The following CSNK1G1 variants were observed in gnomAD, a reference collection of about 807,000 sequenced individuals.
CSNK1G1 encodes casein kinase 1 gamma 1, also known as casein kinase I isoform gamma-1.
CSNK1G1 carries 22 observed loss-of-function variants against 59.6 expected under a neutral mutation model. That is an observed-to-expected ratio of 0.37 (90% confidence interval 0.26 to 0.53). The LOEUF (loss-of-function observed/expected upper bound fraction) is 0.53. CSNK1G1 is among the 20% of genes least tolerant of loss of function. The pLI is 0.89. For missense variants in CSNK1G1, 384 were observed against 519.5 expected (o/e 0.74, Z 2.54); for synonymous variants, 179 against 177.1 (o/e 1.01, Z -0.08).
At chr15:64,347,815 G>A (rs1222568566) in intron 1 of CSNK1G1, among the ~76,000 whole-genome samples, 1 of 151,952 alleles carries the variant, frequency 6.6e-6, no homozygotes, top group Admixed American at 6.6e-5. Context: ...AGACCATCTT[G>A]GCCAACATGG....
At chr15:64,204,617 C>A in intron 8 of CSNK1G1, 28 bp from the exon 9 acceptor site, 3 of 1,607,298 alleles carry the variant, frequency 1.9e-6, no homozygotes, top group Non-Finnish European at 2.5e-6. Flanking sequence ...AAAGGCCCTG[C>A]TCATTAGCTG....
At position 64,300,626 on chromosome 15, in the gene CSNK1G1, T is replaced by A; in HGVS notation, c.-127A>T. 9 of 1,386,854 alleles carry A rather than the reference T, an allele frequency of 6.5e-6. No individual in the cohort carries two copies. The highest frequency in any genetic ancestry group is 8.5e-6 in the Non-Finnish European group (9 of 1,064,892). 85.9% of individuals were successfully genotyped at this position (1,386,854 alleles called of 1,614,324 possible). A position where few individuals can be genotyped will look rare whatever the true frequency, so the allele number is the denominator to read the frequency against. ...GGTAAGGAGTTCTTTTAGCACCATA[T>A]TTGTTTGTAATGTATCTCCGGGAGA... On this transcript the variant is annotated 5_prime_UTR_variant, in exon 2 of 12. Transcript: ENST00000303052.
At chr15:64,207,259 T>C (rs1453390697) in intron 7 of CSNK1G1, among the ~76,000 whole-genome samples, 1 of 152,200 alleles carries the variant, frequency 6.6e-6, no homozygotes, top group Non-Finnish European at 1.5e-5. Flanking sequence ...ATCCTTTTTG[T>C]GTGTTGTTTT....
chr15:64,288,664 A>T (rs1372392903), intron 2 of CSNK1G1, among the ~76,000 whole-genome samples: 1 of 152,034 alleles, frequency 6.6e-6, no homozygotes, highest in Non-Finnish European at 1.5e-5. Context: ...TCAATCCAGC[A>T]TCACCTGCTC....
chr15:64,185,314 A>G (rs1437975963), intron 10 of CSNK1G1, among the ~76,000 whole-genome samples: 1 of 152,232 alleles, frequency 6.6e-6, no homozygotes, highest in Non-Finnish European at 1.5e-5. Flanking sequence ...CAACTCAGAA[A>G]TATGTGGACA....
chr15:64,239,363 TG>T (rs1439320338), intron 4 of CSNK1G1, among the ~76,000 whole-genome samples: 5 of 152,084 alleles, frequency 3.3e-5, no homozygotes, highest in East Asian at 1.9e-4. Flanking sequence ...TGTTGTTGTA[TG>T]TTTTTTTTCT....
intron 4 of CSNK1G1, among the ~76,000 whole-genome samples, chr15:64,241,923 TA>T (rs893319941): frequency 2.7e-5 from 4 of 149,144 alleles, no homozygotes; most frequent in African/African-American, 7.4e-5. Flanking sequence ...GTTGTTTTTT[TA>T]AAAAAAAAGA....
chr15:64,281,734 G>T (rs757123486), intron 2 of CSNK1G1, among the ~76,000 whole-genome samples: 1 of 151,808 alleles, frequency 6.6e-6, no homozygotes. Flanking sequence ...CTGCTACTCA[G>T]GAGGCTGAGG....
chr15:64,335,780 C>T (rs1460294247), intron 1 of CSNK1G1: 1 of 152,192 alleles, frequency 6.6e-6, no homozygotes, highest in African/African-American at 2.4e-5. Context: ...AAGCTACATC[C>T]TCACTTGAGT....
rs940971156 is a variant in CSNK1G1 at position 64,229,506 on chromosome 15, TTCTCTCTCTTTC to T, written c.293-12805_293-12794del. Among the ~76,000 whole-genome samples, 130 of 149,406 alleles carry T rather than the reference TTCTCTCTCTTTC, an allele frequency of 8.7e-4. 1 individual carries two copies. In the East Asian group the frequency reaches 0.015, roughly 18 times the overall value. ...GTGGAACTATAGAGAAGGAGGAGTA[TTCTCTCTCTTTC>T]TCTCTCTCTTTCTCTCTCTCTCTCT... On this transcript the variant is annotated intron_variant, in intron 4 of 11. Coordinates refer to ENST00000303052, the MANE Select transcript of CSNK1G1 (RefSeq NM_022048.5).
At chr15:64,305,290 A>G (rs2140411823) in intron 1 of CSNK1G1, among the ~76,000 whole-genome samples, 1 of 152,320 alleles carries the variant, frequency 6.6e-6, no homozygotes, top group African/African-American at 2.4e-5. Context: ...AGCAAAAATG[A>G]TATCTGTGTG....
intron 10 of CSNK1G1, chr15:64,181,082 G>C (rs890212627): frequency 2.3e-6 from 3 of 1,299,988 alleles, no homozygotes; most frequent in Non-Finnish European, 3.0e-6. Flanking sequence ...TTTCCTCATG[G>C]CTTTGAGCAC....
chr15:64,238,207 G>T (rs1326415586), intron 4 of CSNK1G1, among the ~76,000 whole-genome samples: 1 of 151,842 alleles, frequency 6.6e-6, no homozygotes, highest in Admixed American at 6.6e-5. Context: ...TTAAAATTAG[G>T]TAAGGGATAA....
At chr15:64,236,041 G>T (rs1252577650) in intron 4 of CSNK1G1, among the ~76,000 whole-genome samples, 1 of 151,404 alleles carries the variant, frequency 6.6e-6, no homozygotes, top group African/African-American at 2.4e-5. Flanking sequence ...TACTCGGGAG[G>T]CTGAGGCAGG....
chr15:64,304,447 T>G (rs1184399839), intron 1 of CSNK1G1, among the ~76,000 whole-genome samples: 1 of 151,292 alleles, frequency 6.6e-6, no homozygotes, highest in South Asian at 2.1e-4. Flanking sequence ...TGCTACTTTA[T>G]GTGGCATCTC....
At chr15:64,285,116 G>A (rs962754103) in intron 2 of CSNK1G1, among the ~76,000 whole-genome samples, 1 of 151,978 alleles carries the variant, frequency 6.6e-6, no homozygotes, top group Non-Finnish European at 1.5e-5. Flanking sequence ...TCATGAAAAT[G>A]TTTATTGTTA....
At chr15:64,349,036 C>G (rs1436570472) in intron 1 of CSNK1G1, among the ~76,000 whole-genome samples, 5 of 150,700 alleles carry the variant, frequency 3.3e-5, no homozygotes, top group African/African-American at 9.8e-5. Flanking sequence ...ACTCAGGAGT[C>G]TGAGGCAAGA....
At chr15:64,354,241 G>A (rs1898504980) in intron 1 of CSNK1G1, among the ~76,000 whole-genome samples, 1 of 152,112 alleles carries the variant, frequency 6.6e-6, no homozygotes, top group South Asian at 2.1e-4. Flanking sequence ...GGAGGTAGAG[G>A]TTGCACTGAG....
Position 64,216,113 on chromosome 15 carries a change from T to C in CSNK1G1, c.444+449A>G, listed in dbSNP as rs937201631. Among the ~76,000 whole-genome samples the C allele has an allele frequency of 1.3e-5, 2 of 151,992 alleles. No individual in the cohort carries two copies. The highest frequency in any genetic ancestry group is 2.9e-5 in the Non-Finnish European group (2 of 67,992). ...CTGGCATGGCACCTGCAGTCCTAGC[T>C]GCTGGAGAGGCTGAGGCAGGAGAAT... On this transcript the variant is annotated intron_variant, in intron 5 of 11. Coordinates refer to ENST00000303052, the MANE Select transcript of CSNK1G1 (RefSeq NM_022048.5). This position sits in a 1 kb window ranked among gnomAD's most constrained non-coding sequence, Gnocchi z 4.6.
Sources: allele counts gnomAD v4.1 joint callset (sites outside exome capture counted in the v4.1 genomes callset), GRCh38; gene constraint gnomAD v4.1.1; non-coding constraint Gnocchi (gnomAD v3.1); transcripts MANE v1.5; gene names NCBI Gene and HGNC (gene_info 2026-07-23, HGNC 2026-07-21).